Variants in PAICS observed in about 807,000 individuals in gnomAD.
PAICS encodes bifunctional phosphoribosylaminoimidazole carboxylase/phosphoribosylaminoimidazole succinocarboxamide synthetase.
In PAICS, 33 loss-of-function variants were observed where a neutral mutation model predicts 53.7. That is an observed-to-expected ratio of 0.61 (90% CI 0.47 to 0.82). The LOEUF is 0.82. Ranked by LOEUF, PAICS falls within the 40% of genes least tolerant of loss-of-function variation. The pLI is 0.00. For synonymous variants in PAICS, 141 were observed against 167.2 expected (o/e 0.84, Z 1.21); for missense variants, 394 against 494.1 (o/e 0.80, Z 1.92).
upstream of PAICS, among the ~76,000 whole-genome samples, chr4:56,434,560 CA>C (rs1341153270): frequency 6.6e-6 from 1 of 152,142 alleles, no homozygotes; most frequent in Non-Finnish European, 1.5e-5. Context: ...AAGGATCTCC[CA>C]ATTTTTCAAA....
At chr4:56,414,151 C>T in the PAICS span, 1 of 152,226 alleles carries the variant, frequency 6.6e-6, no homozygotes, top group Admixed American at 6.5e-5. Context: ...AGTTTTCTCC[C>T]TAGGGCTTAG....
chr4:56,411,038 A>G, the PAICS span: 1 of 607,736 alleles, frequency 1.6e-6, no homozygotes, highest in Non-Finnish European at 2.1e-6. Flanking sequence ...CTGTGGAAAA[A>G]TAACCAATTT....
In PAICS at chr4:56,436,331, G is replaced by C. The variant is rs938317507; in HGVS notation, c.16+3G>C. 2 of 1,592,886 alleles carry C rather than the reference G, an allele frequency of 1.3e-6. No individual in the cohort carries two copies. The highest frequency in any genetic ancestry group is 1.7e-5 in the Admixed American group (1 of 58,836). On this transcript the variant is annotated splice_donor_region_variant and intron_variant, in intron 1 of 8. Coordinates refer to ENST00000512576, the MANE Select transcript of PAICS (RefSeq NM_001079524.2). ...TAGGATAATGGCGACAGCTGAGGGT[G>C]AGTAACAGGGATCCGGGCCCTTCAC... is the stretch of plus-strand genomic sequence containing the variant.
chr4:56,427,463 C>T, the PAICS span, among the ~76,000 whole-genome samples: 33 of 152,018 alleles, frequency 2.2e-4, no homozygotes, highest in Non-Finnish European at 3.7e-4. Context: ...ATTTCTATCA[C>T]CATCTTTTAA....
At chr4:56,432,838 A>G (rs1448440694), upstream of PAICS, among the ~76,000 whole-genome samples, 2 of 151,482 alleles carry the variant, frequency 1.3e-5, no homozygotes, top group African/African-American at 4.8e-5. Context: ...AAATTCCTTC[A>G]TCAAAAAGGA....
chr4:56,426,085 G>C, the PAICS span, among the ~76,000 whole-genome samples: 1 of 152,074 alleles, frequency 6.6e-6, no homozygotes, highest in African/African-American at 2.4e-5. Context: ...TCCCATTTTA[G>C]AACATTTTGA....
the PAICS span, chr4:56,410,654 C>T: frequency 3.0e-6 from 3 of 986,578 alleles, no homozygotes; most frequent in Non-Finnish European, 3.6e-6. Flanking sequence ...TGCTAAAAGG[C>T]TGCAATCATT....
the PAICS span, chr4:56,410,549 G>A: frequency 4.1e-6 from 4 of 986,630 alleles, no homozygotes; most frequent in Non-Finnish European, 4.8e-6. Flanking sequence ...CTGGACTGAG[G>A]AGGAGGTTAA....
At chr4:56,454,921 G>C (rs2110097029) in intron 8 of PAICS, among the ~76,000 whole-genome samples, 1 of 152,196 alleles carries the variant, frequency 6.6e-6, no homozygotes, top group East Asian at 1.9e-4. Context: ...ACTTTGGGAG[G>C]CTGAAGTGGG....
chr4:56,446,706 G>T lies in PAICS; in HGVS notation c.226G>T (p.Ala76Ser). The T allele has an allele frequency of 6.3e-7, 1 of 1,593,730 alleles. No individual in the cohort carries two copies. The highest frequency in any genetic ancestry group is 8.6e-7 in the Non-Finnish European group (1 of 1,167,962). Residue 76 changes from alanine (A) to serine (S), a missense_variant, in exon 3 of 9, where the codon GCC becomes TCC. Ala to Ser is a moderately conservative substitution (Grantham distance 99). Transcript: ENST00000512576. ...TTATCAATATGTAGGTATTAAAACT[G>T]CCTTCACCAGAAAATGTGGGGAGAC... Reference protein sequence around the residue: ...QLLQEAGIKTAFTRKCGETAF... With the variant: ...QLLQEAGIKTSFTRKCGETAF...
chr4:56,422,467 T>G, the PAICS span: 2 of 38,578 alleles, frequency 5.2e-5, no homozygotes, highest in Admixed American at 4.8e-4. Flanking sequence ...AATATTCTGG[T>G]TTTTTTTTTT....
At chr4:56,417,611 T>C in the PAICS span, among the ~76,000 whole-genome samples, 1 of 152,052 alleles carries the variant, frequency 6.6e-6, no homozygotes, top group Admixed American at 6.6e-5. Context: ...TGAGACCCCA[T>C]GCCTAAAAAA....
At chr4:56,448,685 A>G in intron 4 of PAICS, 25 bp from the exon 5 acceptor site, 2 of 1,531,752 alleles carry the variant, frequency 1.3e-6, no homozygotes, top group Non-Finnish European at 1.8e-6. Flanking sequence ...AGTTTTTGAA[A>G]ACTTTGTTGA....
rs1338677818 is a variant in PAICS, at chr4:56,463,156, GT to G, written c.*3623del. On this transcript the variant is annotated 3_prime_UTR_variant, in exon 9 of 9. Coordinates refer to ENST00000512576, the MANE Select transcript of PAICS (RefSeq NM_001079524.2). ...CCTTAGAAAGCCATTGAAAAGAGTT[GT>G]TTTTAATGGTGTTTTTACATCCAGC... is the stretch of plus-strand genomic sequence containing the variant. The G allele has an allele frequency of 6.6e-6, 1 of 152,128 alleles. No homozygotes were observed. Among genetic ancestry groups the G allele is most frequent in the Non-Finnish European group, 1.5e-5 (1 of 68,042 alleles). 9.4% of individuals were successfully genotyped at this position (152,128 alleles called of 1,614,324 possible).
At chr4:56,435,275 T>G, upstream of PAICS, 5 of 1,594,906 alleles carry the variant, frequency 3.1e-6, no homozygotes, top group African/African-American at 1.3e-5. Flanking sequence ...CGGGCGCTCA[T>G]GAGAACGCCG....
chr4:56,429,852 T>A, the PAICS span, among the ~76,000 whole-genome samples: 1 of 152,236 alleles, frequency 6.6e-6, no homozygotes, highest in Admixed American at 6.5e-5. Flanking sequence ...TAGTTTGGGA[T>A]TCATACTATA....
chr4:56,437,434 C>T (rs1382288659), intron 1 of PAICS, among the ~76,000 whole-genome samples: 1 of 151,974 alleles, frequency 6.6e-6, no homozygotes, highest in Non-Finnish European at 1.5e-5. Flanking sequence ...TTCCACACAC[C>T]CAGTTGCTAT....
chr4:56,450,522 T>C, intron 5 of PAICS, 97 bp from the exon 6 acceptor site: 1 of 679,590 alleles, frequency 1.5e-6, no homozygotes, highest in Non-Finnish European at 2.6e-6. Context: ...TCCCTTGCTA[T>C]ACAAACTCTT....
At chr4:56,457,308 G>T (rs946694550) in intron 8 of PAICS, among the ~76,000 whole-genome samples, 12 of 152,162 alleles carry the variant, frequency 7.9e-5, no homozygotes, top group African/African-American at 2.2e-4. Context: ...AGCTACTTGG[G>T]AAGCCAAGGT....
Sources: gnomAD v4.1 joint callset for allele counts (sites outside exome capture counted in the v4.1 genomes callset) on GRCh38, gnomAD v4.1.1 for gene constraint, MANE v1.5 for transcripts, NCBI Gene and HGNC (gene_info 2026-07-23, HGNC 2026-07-21) for gene names.